The following PARN variants were observed in gnomAD, a reference collection of about 807,000 sequenced individuals.
PARN encodes poly(A)-specific ribonuclease PARN.
A neutral mutation model predicts 102.8 loss-of-function variants in PARN; 71 were observed. That is an observed-to-expected ratio of 0.69 (90% CI 0.57 to 0.84). The LOEUF (loss-of-function observed/expected upper bound fraction) is 0.84. PARN is among the 40% of genes least tolerant of loss of function. The pLI is 0.00. For synonymous variants in PARN, 261 were observed against 252.9 expected (o/e 1.03, Z -0.30); for missense variants, 782 against 760.9 (o/e 1.03, Z -0.33).
At chr16:14,457,560 G>A (rs1961731820) in intron 22 of PARN, among the ~76,000 whole-genome samples, 1 of 152,026 alleles carries the variant, frequency 6.6e-6, no homozygotes, top group Admixed American at 6.5e-5. Context: ...TGCACTTTGG[G>A]AGGCCGAGGT....
At chr16:14,580,766 T>C (rs752417796) in intron 18 of PARN, 108 bp downstream of exon 18, 4 of 618,334 alleles carry the variant, frequency 6.5e-6, no homozygotes, top group Non-Finnish European at 8.9e-6. Context: ...GAAAAACAGC[T>C]TATCTAAAAA....
At chr16:14,483,659 C>T (rs1461277311) in intron 21 of PARN, among the ~76,000 whole-genome samples, 5 of 152,094 alleles carry the variant, frequency 3.3e-5, no homozygotes, top group South Asian at 2.1e-4. Context: ...CACCCTCATG[C>T]CTGTTTTTAG....
chr16:14,571,115 G>A (rs1424027802), intron 18 of PARN, among the ~76,000 whole-genome samples: 2 of 152,164 alleles, frequency 1.3e-5, no homozygotes, highest in African/African-American at 4.8e-5. Context: ...CAGGCGCGGT[G>A]GCTCATGCCT....
At chr16:14,595,532 T>C (rs1970453430) in intron 12 of PARN, among the ~76,000 whole-genome samples, 3 of 151,934 alleles carry the variant, frequency 2.0e-5, no homozygotes, top group South Asian at 2.1e-4. Context: ...TCCTGGCTAA[T>C]TTTTTAATTT....
chr16:14,475,300 T>G (rs1467722523), intron 22 of PARN, among the ~76,000 whole-genome samples: 1 of 152,246 alleles, frequency 6.6e-6, no homozygotes, highest in African/African-American at 2.4e-5. Flanking sequence ...TCAGGAAAGT[T>G]GCGAGTGTTG....
rs990214737 is a variant in PARN at position 14,570,196 on chromosome 16, G to T, written c.1262+10678C>A. Among the ~76,000 whole-genome samples the T allele has an allele frequency of 2.7e-5, 4 of 150,896 alleles. No individual in the cohort carries two copies. In the South Asian group the frequency reaches 8.5e-4, roughly 32 times the overall value. ...TCTACTAAAAATACAAAAATTAGCA[G>T]GGTGCAGTGGCACGTGCCTGTAATC... On this transcript the variant is annotated intron_variant, in intron 18 of 23. Transcript: ENST00000437198.
intron 14 of PARN, among the ~76,000 whole-genome samples, chr16:14,585,922 T>C (rs1969823980): frequency 6.6e-6 from 1 of 151,850 alleles, no homozygotes; most frequent in South Asian, 2.1e-4. Flanking sequence ...ATGAACATGA[T>C]CTAATGGTTT....
intron 21 of PARN, among the ~76,000 whole-genome samples, chr16:14,531,144 G>C (rs915079178): frequency 4.6e-5 from 7 of 152,086 alleles, no homozygotes; most frequent in African/African-American, 1.7e-4. Flanking sequence ...TGGAGTTTGA[G>C]AACAGCCTGT....
At chr16:14,538,956 A>T (rs1164209764) in intron 21 of PARN, among the ~76,000 whole-genome samples, 4 of 152,178 alleles carry the variant, frequency 2.6e-5, no homozygotes, top group Non-Finnish European at 5.9e-5. Flanking sequence ...ATGTCTGATG[A>T]TCTGTCACTG....
intron 18 of PARN, among the ~76,000 whole-genome samples, chr16:14,574,014 C>CA (rs1306411532): frequency 6.6e-6 from 1 of 152,200 alleles, no homozygotes; most frequent in African/African-American, 2.4e-5. Flanking sequence ...AACTGGGTAA[C>CA]AGGCAGAGGC....
intron 21 of PARN, among the ~76,000 whole-genome samples, chr16:14,529,200 T>C (rs1485785429): frequency 6.6e-6 from 1 of 152,230 alleles, no homozygotes; most frequent in Non-Finnish European, 1.5e-5. Context: ...AGAGGTACGC[T>C]GTCGAATCCG....
intron 23 of PARN, among the ~76,000 whole-genome samples, chr16:14,440,479 T>C (rs1960895904): frequency 6.6e-6 from 1 of 152,200 alleles, no homozygotes; most frequent in African/African-American, 2.4e-5. Flanking sequence ...AGTTACCATA[T>C]GACCCAGCAA....
chr16:14,472,012 T>C (rs1962776407), intron 22 of PARN, among the ~76,000 whole-genome samples: 1 of 152,196 alleles, frequency 6.6e-6, no homozygotes, highest in African/African-American at 2.4e-5. Context: ...TCAGGAATCT[T>C]GTTGAACTAT....
At chr16:14,488,013 A>G (rs1271602432) in intron 21 of PARN, among the ~76,000 whole-genome samples, 1 of 152,234 alleles carries the variant, frequency 6.6e-6, no homozygotes, top group Non-Finnish European at 1.5e-5. Flanking sequence ...TACTAGGTAA[A>G]AAAGCTTATT....
At chr16:14,480,752 C>A (rs1427943415) in intron 22 of PARN, among the ~76,000 whole-genome samples, 1 of 152,052 alleles carries the variant, frequency 6.6e-6, no homozygotes. Flanking sequence ...ACCAGCCTGG[C>A]CAAAGTGGCA....
intron 22 of PARN, among the ~76,000 whole-genome samples, chr16:14,463,313 TA>T (rs1962102072): frequency 6.6e-6 from 1 of 152,060 alleles, no homozygotes; most frequent in South Asian, 2.1e-4. Context: ...AATACAAAAA[TA>T]TCTAGTACAC....
At chr16:14,447,950 CTATCTA>C in intron 22 of PARN, among the ~76,000 whole-genome samples, 1 of 142,038 alleles carries the variant, frequency 7.0e-6, no homozygotes, top group Non-Finnish European at 1.5e-5. Flanking sequence ...ATCTATCTAT[CTATCTA>C]TCTATCTATC....
chr16:14,623,924 C>A (rs1002939472), intron 5 of PARN, among the ~76,000 whole-genome samples: 6 of 151,848 alleles, frequency 4.0e-5, no homozygotes, highest in Non-Finnish European at 2.9e-5. Context: ...TATAAAATAC[C>A]TTCTATGAAT....
intron 5 of PARN, among the ~76,000 whole-genome samples, chr16:14,621,715 G>A (rs113330175): frequency 1.3e-4 from 20 of 151,834 alleles, no homozygotes; most frequent in Admixed American, 4.6e-4. Context: ...GGAGGCTGAG[G>A]CAGGAGAATG....
Sources: gnomAD v4.1 joint callset for allele counts (sites outside exome capture counted in the v4.1 genomes callset) on GRCh38, gnomAD v4.1.1 for gene constraint, MANE v1.5 for transcripts, NCBI Gene and HGNC (gene_info 2026-07-23, HGNC 2026-07-21) for gene names.